Variants in ZNF521 observed in about 807,000 individuals in gnomAD.
ZNF521 encodes LYST-interacting protein 3.
Under a neutral mutation model 105.5 loss-of-function variants are expected in ZNF521, and 14 were observed. That is an observed-to-expected ratio of 0.13 (90% confidence interval 0.09 to 0.21). The LOEUF (loss-of-function observed/expected upper bound fraction) is 0.21, where lower values mean the gene tolerates loss of function less well. Ranked by LOEUF, ZNF521 falls within the 10% of genes least tolerant of loss-of-function variation. ZNF521 has a pLI of 1.00. For missense variants in ZNF521, 1,233 were observed against 1,629.7 expected, an observed-to-expected ratio of 0.76 and a Z score of 4.19; for synonymous variants, 635 against 606.0, an observed-to-expected ratio of 1.05 and a Z score of -0.70.
At chr18:25,072,657 A>T (rs879305707) in intron 7 of ZNF521, among the ~76,000 whole-genome samples, 2 of 152,216 alleles carry the variant, frequency 1.3e-5, no homozygotes, top group African/African-American at 4.8e-5. Context: ...TTTCCATGCA[A>T]GAAGCCAGCA....
intron 5 of ZNF521, among the ~76,000 whole-genome samples, chr18:25,173,513 C>T (rs368030059): frequency 1.9e-4 from 29 of 152,146 alleles, no homozygotes; most frequent in African/African-American, 6.5e-4. Flanking sequence ...AACCACCCCA[C>T]GTGCACTTCT....
chr18:25,158,022 G>C (rs1422553521), intron 5 of ZNF521, among the ~76,000 whole-genome samples: 1 of 152,138 alleles, frequency 6.6e-6, no homozygotes, highest in Non-Finnish European at 1.5e-5. Flanking sequence ...CCAAAGTGCT[G>C]GGATTACAGG....
At chr18:25,128,057 A>G (rs1460766470) in intron 5 of ZNF521, among the ~76,000 whole-genome samples, 1 of 151,994 alleles carries the variant, frequency 6.6e-6, no homozygotes, top group Non-Finnish European at 1.5e-5. Context: ...TCATGAACAC[A>G]GATGAAAAAT....
At chr18:25,249,202 G>A (rs1907934441) in intron 3 of ZNF521, among the ~76,000 whole-genome samples, 1 of 151,176 alleles carries the variant, frequency 6.6e-6, no homozygotes, top group Non-Finnish European at 1.5e-5. Context: ...GGAGTGCAGT[G>A]GTGCAATCTC....
chr18:25,163,875 C>T (rs2144532067), intron 5 of ZNF521, among the ~76,000 whole-genome samples: 1 of 152,212 alleles, frequency 6.6e-6, no homozygotes, highest in South Asian at 2.1e-4. Context: ...GGAACAGGGC[C>T]TGCTGGTTTG....
At chr18:25,302,145 T>C (rs760405470) in intron 3 of ZNF521, 3 of 151,998 alleles carry the variant, frequency 2.0e-5, no homozygotes, top group Non-Finnish European at 4.4e-5. Context: ...CTTACTTCTA[T>C]AAGCTTTTTC....
chr18:25,223,829 TA>T, intron 4 of ZNF521, among the ~76,000 whole-genome samples: 1 of 152,276 alleles, frequency 6.6e-6, no homozygotes, highest in Middle Eastern at 3.4e-3. Context: ...TGTGAGGAAG[TA>T]TTTTCCTCTC....
chr18:25,137,468 C>T (rs540711370), intron 5 of ZNF521, among the ~76,000 whole-genome samples: 10 of 152,230 alleles, frequency 6.6e-5, no homozygotes, highest in Admixed American at 3.9e-4. Context: ...GGATTTGTCT[C>T]GCCGGTAATG....
chr18:25,310,121 T>G (rs542699250), intron 3 of ZNF521, among the ~76,000 whole-genome samples: 2 of 152,258 alleles, frequency 1.3e-5, no homozygotes, highest in East Asian at 3.9e-4. Context: ...AAAACCAACA[T>G]GTCTGAGGTC....
chr18:25,298,348 T>C lies in ZNF521; in HGVS notation c.220+23660A>G, dbSNP rs1326993417. On this transcript the variant is annotated intron_variant, in intron 3 of 7. Coordinates refer to ENST00000361524, the MANE Select transcript of ZNF521 (RefSeq NM_015461.3). ...ATCAGAATATCTCTCAGATATATAC[T>C]ACCTGTATTTCGGCATGTGGACTGG... Among the ~76,000 whole-genome samples the C allele has an allele frequency of 2.6e-5, 4 of 152,214 alleles. No individual in the cohort carries two copies. The East Asian group carries it at 5.8e-4, about 22-fold the overall frequency.
intron 2 of ZNF521, among the ~76,000 whole-genome samples, chr18:25,325,214 T>C (rs1913148604): frequency 1.3e-5 from 2 of 152,196 alleles, no homozygotes; most frequent in Admixed American, 1.3e-4. Context: ...ATTCAAAAGA[T>C]GTGTTTATTT....
rs538212532 is a variant in ZNF521 at position 25,110,607 on chromosome 18, T to C, written c.3659-18526A>G. ...ATAATTCAATATGTCGTCAAAGAGA[T>C]CTTTTCAAATTCACACCATTCCTTT... On this transcript the variant is annotated intron_variant, in intron 5 of 7. Coordinates refer to ENST00000361524, the MANE Select transcript of ZNF521 (RefSeq NM_015461.3). Among the ~76,000 whole-genome samples the C allele has an allele frequency of 3.9e-5, 6 of 152,084 alleles. No individual in the cohort carries two copies. The South Asian group carries it at 1.2e-3, about 32-fold the overall frequency.
At chr18:25,302,148 GC>G (rs1600278974) in intron 3 of ZNF521, 1 of 151,650 alleles carries the variant, frequency 6.6e-6, no homozygotes, top group Non-Finnish European at 1.5e-5. Context: ...ACTTCTATAA[GC>G]TTTTTCATTT....
intron 7 of ZNF521, among the ~76,000 whole-genome samples, chr18:25,065,197 C>G (rs2033023454): frequency 6.6e-6 from 1 of 152,094 alleles, no homozygotes; most frequent in African/African-American, 2.4e-5. Flanking sequence ...AGTCCAAAAA[C>G]AATGACCAAA....
At chr18:25,174,073 A>C (rs1364915795) in intron 5 of ZNF521, among the ~76,000 whole-genome samples, 2 of 152,156 alleles carry the variant, frequency 1.3e-5, no homozygotes, top group East Asian at 3.8e-4. Flanking sequence ...CATCAACTTG[A>C]ATTCTTTTTT....
intron 3 of ZNF521, among the ~76,000 whole-genome samples, chr18:25,229,158 C>T (rs756843081): frequency 5.3e-5 from 8 of 152,186 alleles, no homozygotes; most frequent in South Asian, 2.1e-4. Context: ...ATTATGTAAA[C>T]GAATTCCATG....
At position 25,225,606 on chromosome 18, in the gene ZNF521, A is replaced by C. The variant is rs1297577600; in HGVS notation, c.2312T>G (p.Val771Gly). The C allele has an allele frequency of 1.2e-6, 2 of 1,614,060 alleles. No homozygotes were observed. ...TTGGTTTTCCAGGTGGTTGTGTTTC[A>C]CATGGAGCTGCAAGTCAGTTTCGTT... ...FRNETDLQLH[V>G]KHNHLENQGK... Residue 771 changes from valine (V) to glycine (G), a missense_variant, in exon 4 of 8, where the codon GTG (valine) becomes GGG (glycine). Around this residue, in one of 6 missense-constraint regions of ZNF521, gnomAD observed 614 missense variants for 751.5 expected, o/e 0.82. Coordinates refer to ENST00000361524, the MANE Select transcript of ZNF521 (RefSeq NM_015461.3). This position sits in a 1 kb window ranked among gnomAD's most constrained non-coding sequence, Gnocchi z 5.6.
intron 3 of ZNF521, among the ~76,000 whole-genome samples, chr18:25,290,721 G>A (rs887331659): frequency 1.5e-4 from 22 of 147,664 alleles, no homozygotes; most frequent in African/African-American, 4.3e-4. Context: ...AGCAATTCTC[G>A]TGCCTCAGCC....
At chr18:25,285,119 G>A (rs1910625356) in intron 3 of ZNF521, among the ~76,000 whole-genome samples, 1 of 151,250 alleles carries the variant, frequency 6.6e-6, no homozygotes, top group Non-Finnish European at 1.5e-5. Context: ...TTTCAGCAAT[G>A]CATTAAGCAA....
Sources: gnomAD v4.1 joint callset for allele counts (sites outside exome capture counted in the v4.1 genomes callset) on GRCh38, gnomAD v4.1.1 for gene constraint, gnomAD v4.1.1 regional missense constraint, Gnocchi (gnomAD v3.1) non-coding constraint, MANE v1.5 for transcripts, NCBI Gene and HGNC (gene_info 2026-07-23, HGNC 2026-07-21) for gene names.